TTYH2: variants seen among roughly 807,000 people sequenced by gnomAD.
TTYH2 encodes the protein tweety family member 2.
Under a neutral mutation model 68.3 loss-of-function variants are expected in TTYH2, and 49 were observed. The ratio of observed to expected loss-of-function variants is 0.72; its 90% confidence interval spans 0.57 to 0.91. The LOEUF is 0.91. Ranked by LOEUF, TTYH2 falls within the 40% of genes least tolerant of loss-of-function variation. TTYH2 has a pLI of 0.00. For synonymous variants in TTYH2, 272 were observed against 300.8 expected (o/e 0.90, Z 0.99); for missense variants, 631 against 700.4 (o/e 0.90, Z 1.12).
chr17:74,253,038 C>T (rs2050651822), intron 11 of TTYH2, 43 bp from the exon 12 acceptor site: 12 of 1,607,100 alleles, frequency 7.5e-6, no homozygotes, highest in African/African-American at 5.4e-5. Flanking sequence ...CTCGGAGCCT[C>T]CTTCACCCTT....
chr17:74,259,158 G>T (rs936194331), intron 13 of TTYH2, among the ~76,000 whole-genome samples: 4 of 152,158 alleles, frequency 2.6e-5, no homozygotes, highest in African/African-American at 9.7e-5. Context: ...ATTGCCTAAA[G>T]AGCTCTAAAA....
chr17:74,217,746 C>T lies in TTYH2; in HGVS notation c.129+4030C>T, dbSNP rs1386276843. Among the ~76,000 whole-genome samples, 3 of 152,230 alleles carry T rather than the reference C, an allele frequency of 2.0e-5. No individual in the cohort carries two copies. The highest frequency in any genetic ancestry group is 7.2e-5 in the African/African-American group (3 of 41,462). On this transcript the variant is annotated intron_variant, in intron 1 of 13. Transcript: ENST00000269346. The surrounding 1 kb of genome is among the most constrained non-coding windows in gnomAD (Gnocchi z 4.0). The stretch of plus-strand genomic sequence containing the variant: ...CCAGGGCTGTTGCCCCCTCCCCTGC[C>T]CAGTGCAGAAGCCCCTTGGGTCCCG...
chr17:74,251,887 G>GC, intron 10 of TTYH2: 1 of 290,982 alleles, frequency 3.4e-6, no homozygotes, highest in Non-Finnish European at 6.6e-6. Context: ...TGTCCCCTTT[G>GC]CCCCCTCTTC....
At position 74,252,046 on chromosome 17, in the gene TTYH2, C is replaced by A. The variant is rs565448556; in HGVS notation, c.1117-188C>A. 3.2e-4 allele frequency: 218 copies of A among 676,640 alleles called. 6 individuals are homozygous for A. The South Asian group carries it at 3.4e-3, about 11-fold the overall frequency. The allele number at this position is 676,640 out of a possible 1,614,324, so 41.9% of individuals were successfully genotyped here. The stretch of plus-strand genomic sequence containing the variant: ...GCTCAGCAAATGTTTCCAGCGTGAA[C>A]CCAAGAAGCCCCATTGTGTTAGGCT... On this transcript the variant is annotated intron_variant, in intron 10 of 13. Coordinates refer to ENST00000269346, the MANE Select transcript of TTYH2 (RefSeq NM_032646.6).
At chr17:74,244,440 AT>A (rs1234938160) in intron 6 of TTYH2, among the ~76,000 whole-genome samples, 1 of 152,184 alleles carries the variant, frequency 6.6e-6, no homozygotes. Context: ...AGACTGGGGA[AT>A]CCCTCCCGCA....
chr17:74,222,716 A>T lies in TTYH2; in HGVS notation c.302+59A>T, dbSNP rs563617391. 1,700 of 1,519,998 alleles carry T rather than the reference A, an allele frequency of 1.1e-3. 14 individuals carry two copies. Among genetic ancestry groups the T allele is most frequent in the Non-Finnish European group, 1.3e-4 (147 of 1,133,000 alleles). 94.2% of individuals were successfully genotyped at this position (1,519,998 alleles called of 1,614,324 possible). ...TGACTCAGTCTGCAAGGGGCCAGGGACTGTTTGACCATGTTCTGACGGAGC... is the reference window on the plus strand; with the variant it reads ...TGACTCAGTCTGCAAGGGGCCAGGGTCTGTTTGACCATGTTCTGACGGAGC... On this transcript the variant is annotated intron_variant, in intron 2 of 13. Coordinates refer to ENST00000269346, the MANE Select transcript of TTYH2 (RefSeq NM_032646.6). This position sits in a 1 kb window ranked among gnomAD's most constrained non-coding sequence, Gnocchi z 5.2.
At chr17:74,254,180 T>C (rs919394881) in intron 13 of TTYH2, among the ~76,000 whole-genome samples, 4 of 122,702 alleles carry the variant, frequency 3.3e-5, no homozygotes, top group Admixed American at 7.6e-5. Context: ...TATTTATTTA[T>C]TTATTTATTT....
At chr17:74,252,213 A>G (rs939979961) in intron 10 of TTYH2, 21 bp from the exon 11 acceptor site, 9 of 1,610,952 alleles carry the variant, frequency 5.6e-6, no homozygotes, top group Non-Finnish European at 7.6e-6. Context: ...CACTAGCTGC[A>G]TGTCCCTCCT....
intron 3 of TTYH2, among the ~76,000 whole-genome samples, chr17:74,236,036 G>A (rs1477567617): frequency 6.6e-6 from 1 of 152,164 alleles, no homozygotes; most frequent in East Asian, 1.9e-4. Context: ...TAACTGGATG[G>A]CCAGCCGTCA....
At chr17:74,225,556 G>A (rs1378439572) in intron 2 of TTYH2, among the ~76,000 whole-genome samples, 2 of 152,180 alleles carry the variant, frequency 1.3e-5, no homozygotes. Flanking sequence ...CCGGGTGACC[G>A]AAGAGCTCAG....
At position 74,220,583 on chromosome 17, in the gene TTYH2, G is replaced by A. The variant is rs994659902; in HGVS notation, c.130-1902G>A. 2.6e-5 allele frequency among the ~76,000 whole-genome samples: 4 copies of A among 152,190 alleles called. No individual in the cohort carries two copies. In the South Asian group the frequency reaches 8.3e-4, roughly 32 times the overall value. On this transcript the variant is annotated intron_variant, in intron 1 of 13. Coordinates refer to ENST00000269346, the MANE Select transcript of TTYH2 (RefSeq NM_032646.6). ...CTGGGCTGCAGGGCCCTCTGGTGAA[G>A]GGGCATGGACTGAGGACCAGAAGAG... is the stretch of plus-strand genomic sequence containing the variant.
rs756927764 is a variant in TTYH2 at position 74,253,751 on chromosome 17, G to A, written c.1446-4G>A. 10 of 1,613,800 alleles carry A rather than the reference G, an allele frequency of 6.2e-6. No homozygotes were observed. The highest frequency in any genetic ancestry group is 5.0e-5 in the Admixed American group (3 of 59,990). ...CCTCCTGAGCTCTCCTCTCATCCCC[G>A]CAGGAACCAAGCCATGCTCTTTGGT... On this transcript the variant is annotated splice_polypyrimidine_tract_variant and splice_region_variant and intron_variant, in intron 12 of 13. Coordinates refer to ENST00000269346, the MANE Select transcript of TTYH2 (RefSeq NM_032646.6).
At chr17:74,250,588 G>A (rs2050613127) in intron 10 of TTYH2, 2 of 530,450 alleles carry the variant, frequency 3.8e-6, no homozygotes, top group Non-Finnish European at 6.7e-6. Context: ...AGGGTTGGAT[G>A]CGGTTGGCTC....
chr17:74,233,526 TG>T (rs1399773548), intron 3 of TTYH2, among the ~76,000 whole-genome samples: 1 of 152,102 alleles, frequency 6.6e-6, no homozygotes, highest in African/African-American at 2.4e-5. Context: ...CAGAGGCAGA[TG>T]GGGGACTCGT....
At position 74,215,569 on chromosome 17, in the gene TTYH2, G is replaced by A; in HGVS notation, c.129+1853G>A. The A allele has an allele frequency of 6.7e-7, 1 of 1,491,226 alleles. No individual in the cohort carries two copies. Among genetic ancestry groups the A allele is most frequent in the Non-Finnish European group, 9.0e-7 (1 of 1,110,214 alleles). The allele number at this position is 1,491,226 out of a possible 1,614,324, so 92.4% of individuals were successfully genotyped here. ...CCCTTCCCATCGGCCACTGCTCCTGGGCAGCTGACACCAGCCCTGCCCACT... is the reference window on the plus strand; with the variant it reads ...CCCTTCCCATCGGCCACTGCTCCTGAGCAGCTGACACCAGCCCTGCCCACT... On this transcript the variant is annotated intron_variant, in intron 1 of 13. Coordinates refer to ENST00000269346, the MANE Select transcript of TTYH2 (RefSeq NM_032646.6). The surrounding 1 kb of genome is among the most constrained non-coding windows in gnomAD (Gnocchi z 4.3).
intron 5 of TTYH2, 48 bp downstream of exon 5, chr17:74,243,517 C>A (rs1567817625): frequency 1.3e-6 from 2 of 1,589,098 alleles, no homozygotes; most frequent in Non-Finnish European, 1.7e-6. Context: ...GGGCAGGATG[C>A]CATCATCAGA....
chr17:74,244,046 A>T lies in TTYH2; in HGVS notation c.801A>T (p.Ala267=). 2 of 1,608,676 alleles carry T rather than the reference A, an allele frequency of 1.2e-6. No homozygotes were observed. The highest frequency in any genetic ancestry group is 1.3e-5 in the African/African-American group (1 of 74,950). ...WASLAADGSA[A]VATSDFCVAP... ...CCCTGGCCGCTGATGGCTCTGCGGC[A>T]GTGGTGAGTTGGGGGAGGGAGTGGG... is the stretch of plus-strand genomic sequence containing the variant. The change falls in exon 6 of 14, where the codon GCA becomes GCT. Residue 267 remains alanine, a synonymous_variant. Transcript: ENST00000269346.
chr17:74,253,716 C>A, intron 12 of TTYH2, 39 bp from the exon 13 acceptor site: 1 of 1,605,774 alleles, frequency 6.2e-7, no homozygotes, highest in South Asian at 1.1e-5. Flanking sequence ...CCCCCACTCC[C>A]ACACCATCCC....
rs550506508 is a variant in TTYH2 at position 74,239,930 on chromosome 17, C to T, written c.635+2416C>T. ...TTTTAACGTCACTCTTCTCTGAGCACACCTAGCAGAGGACTGTGTATGTTT... is the reference window on the plus strand; with the variant it reads ...TTTTAACGTCACTCTTCTCTGAGCATACCTAGCAGAGGACTGTGTATGTTT... On this transcript the variant is annotated intron_variant, in intron 4 of 13. Transcript: ENST00000269346. The surrounding 1 kb of genome is among the most constrained non-coding windows in gnomAD (Gnocchi z 5.3). 2.0e-5 allele frequency among the ~76,000 whole-genome samples: 3 copies of T among 152,340 alleles called. No individual in the cohort carries two copies. Among genetic ancestry groups the T allele is most frequent in the African/African-American group, 7.2e-5 (3 of 41,568 alleles).
Sources: allele counts gnomAD v4.1 joint callset (sites outside exome capture counted in the v4.1 genomes callset), GRCh38; gene constraint gnomAD v4.1.1; non-coding constraint Gnocchi (gnomAD v3.1); transcripts MANE v1.5; gene names NCBI Gene and HGNC (gene_info 2026-07-23, HGNC 2026-07-21).